Variants in SIL1 observed in about 807,000 individuals in gnomAD.
The protein encoded by SIL1 is nucleotide exchange factor SIL1.
Under a neutral mutation model 49.1 loss-of-function variants are expected in SIL1, and 40 were observed. The observed-to-expected ratio is 0.81, with a 90% CI of 0.63 to 1.06. The LOEUF (loss-of-function observed/expected upper bound fraction) is 1.06. Ranked by LOEUF, SIL1 falls within the 50% of genes least tolerant of loss-of-function variation. The pLI is 0.00. For synonymous variants in SIL1, 253 were observed against 250.8 expected (o/e 1.01, Z -0.08); for missense variants, 500 against 572.6 (o/e 0.87, Z 1.29).
intron 3 of SIL1, among the ~76,000 whole-genome samples, chr5:139,078,447 A>C (rs993082926): frequency 6.6e-6 from 1 of 152,140 alleles, no homozygotes; most frequent in Non-Finnish European, 1.5e-5. Context: ...GATTTTTAGA[A>C]TATAGGTCTT....
At position 138,955,065 on chromosome 5, in the gene SIL1, ATGG is replaced by A. The variant is rs537689754; in HGVS notation, c.768-3184_768-3182del. On this transcript the variant is annotated intron_variant, in intron 7 of 9. Transcript: ENST00000394817. ...TGGCAGCCCCATCCTCCTCCAGCCTATGGACTCTGGACCAGAGCTGCGGCCCAC... is the reference window on the plus strand; with the variant it reads ...TGGCAGCCCCATCCTCCTCCAGCCTAACTCTGGACCAGAGCTGCGGCCCAC... Among the ~76,000 whole-genome samples, 17 of 152,274 alleles carry A rather than the reference ATGG, an allele frequency of 1.1e-4. No homozygotes were observed. In the South Asian group the frequency reaches 3.5e-3, roughly 32 times the overall value.
intron 4 of SIL1, among the ~76,000 whole-genome samples, chr5:139,048,436 T>A (rs1769217922): frequency 6.9e-6 from 1 of 145,370 alleles, no homozygotes; most frequent in Non-Finnish European, 1.5e-5. Context: ...AATGCAGTGG[T>A]ACGATCTTGA....
intron 5 of SIL1, among the ~76,000 whole-genome samples, chr5:139,042,323 T>TA (rs1311639821): frequency 2.0e-5 from 3 of 152,150 alleles, no homozygotes; most frequent in Non-Finnish European, 4.4e-5. Context: ...AGGCCTGTGA[T>TA]AATGGAGAGA....
intron 1 of SIL1, among the ~76,000 whole-genome samples, chr5:139,196,116 G>A (rs1469958791): frequency 6.6e-6 from 1 of 152,152 alleles, no homozygotes; most frequent in African/African-American, 2.4e-5. Context: ...CTTAAGCCCA[G>A]GAGTTCAAGG....
chr5:138,981,793 C>T (rs183360429), intron 7 of SIL1, among the ~76,000 whole-genome samples: 14 of 152,288 alleles, frequency 9.2e-5, no homozygotes, highest in South Asian at 2.1e-4. Flanking sequence ...TGCTCTCCCA[C>T]GCTCACGCCT....
At chr5:139,184,884 G>T (rs1752051601) in intron 1 of SIL1, among the ~76,000 whole-genome samples, 1 of 152,216 alleles carries the variant, frequency 6.6e-6, no homozygotes, top group Non-Finnish European at 1.5e-5. Context: ...GGGTCCAGTT[G>T]TTTACAGAGA....
chr5:139,014,966 A>C (rs1768366983), intron 7 of SIL1, among the ~76,000 whole-genome samples: 1 of 152,174 alleles, frequency 6.6e-6, no homozygotes, highest in Non-Finnish European at 1.5e-5. Context: ...GCCTTCAGCC[A>C]GTGGGGCTAT....
At chr5:139,095,201 C>A (rs1770427989) in intron 3 of SIL1, among the ~76,000 whole-genome samples, 1 of 151,460 alleles carries the variant, frequency 6.6e-6, no homozygotes, top group African/African-American at 2.4e-5. Flanking sequence ...TCTAGCCCAA[C>A]TGGAAAGATG....
intron 4 of SIL1, among the ~76,000 whole-genome samples, chr5:139,048,369 G>GTTTTTTTTTTT (rs35482601): frequency 1.1e-5 from 1 of 87,760 alleles, no homozygotes; most frequent in Non-Finnish European, 2.2e-5. Flanking sequence ...TTTGTTGTTG[G>GTTTTTTTTTTT]TTTTTTTTTT....
chr5:138,963,182 A>T (rs1257326710), intron 7 of SIL1, among the ~76,000 whole-genome samples: 2 of 152,138 alleles, frequency 1.3e-5, no homozygotes, highest in Admixed American at 1.3e-4. Flanking sequence ...CTGCAGGGCA[A>T]GAGGGGATCC....
Position 138,947,158 on chromosome 5 carries a change from G to C in SIL1, c.1345C>G (p.Leu449Val), listed in dbSNP as rs1159678013. The stretch of plus-strand genomic sequence containing the variant: ...AGCAAGCTGTTGACAGAGCCCAGCA[G>C]CTCCTGGAAGTAGCCCTCGTCCTCA... The part of the protein sequence containing the change: ...DGEDEGYFQE[L>V]LGSVNSLLKE... Residue 449 changes from leucine to valine, a missense_variant, in exon 10 of 10, where the codon CTG becomes GTG. Transcript: ENST00000394817. This position sits in a 1 kb window ranked among gnomAD's most constrained non-coding sequence, Gnocchi z 4.1. 1 of 1,613,690 alleles carries C rather than the reference G, an allele frequency of 6.2e-7. No individual in the cohort carries two copies. The highest frequency in any genetic ancestry group is 1.1e-5 in the South Asian group (1 of 91,076).
chr5:139,103,707 A>G (rs958622591), intron 3 of SIL1, among the ~76,000 whole-genome samples: 1 of 152,186 alleles, frequency 6.6e-6, no homozygotes, highest in African/African-American at 2.4e-5. Flanking sequence ...ATTCATTACC[A>G]ATCATCTTTA....
intron 2 of SIL1, among the ~76,000 whole-genome samples, chr5:139,124,672 T>C (rs2151795141): frequency 6.6e-6 from 1 of 152,034 alleles, no homozygotes; most frequent in East Asian, 1.9e-4. Context: ...AAAAGCAGAG[T>C]TCCAGAAAAG....
At chr5:139,079,005 G>A (rs1469951103) in intron 3 of SIL1, among the ~76,000 whole-genome samples, 2 of 152,312 alleles carry the variant, frequency 1.3e-5, no homozygotes, top group African/African-American at 2.4e-5. Flanking sequence ...AATGTGACTA[G>A]TGATACTAAG....
At position 138,951,261 on chromosome 5, in the gene SIL1, C is replaced by A; in HGVS notation, c.939G>T (p.Leu313=). 1 of 1,588,924 alleles carries A rather than the reference C, an allele frequency of 6.3e-7. No homozygotes were observed. The highest frequency in any genetic ancestry group is 8.6e-7 in the Non-Finnish European group (1 of 1,167,068). The change falls in exon 9 of 10, where the codon CTG becomes CTT. Residue 313 remains leucine (L), a synonymous_variant. Coordinates refer to ENST00000394817, the MANE Select transcript of SIL1 (RefSeq NM_022464.5). ...AQRQFLKLGG[L]QVLRTLVQEK... is the part of the protein sequence containing the mutation. ...CCTGCACCAGGGTCCTCAGGACCTG[C>A]AGCCCCCCGAGCTTCAGGAACTGCC...
rs567894649 is a variant in SIL1 at position 139,083,046 on chromosome 5, G to T, written c.245-32000C>A. ...CCTGCAGGGGCTCAAGGATTCAAAT[G>T]ATACCAACTGCTCCTGATTTAGGAG... On this transcript the variant is annotated intron_variant, in intron 3 of 9. Transcript: ENST00000394817. Among the ~76,000 whole-genome samples, 144 of 152,308 alleles carry T rather than the reference G, an allele frequency of 9.5e-4. 2 individuals carry two copies. The highest frequency in any genetic ancestry group is 3.4e-3 in the Middle Eastern group (1 of 294).
At chr5:139,042,763 CT>C in intron 4 of SIL1, 44 bp from the exon 5 acceptor site, 1 of 1,557,994 alleles carries the variant, frequency 6.4e-7, no homozygotes, top group African/African-American at 1.4e-5. Flanking sequence ...CATGGCTAGG[CT>C]TGGTGGCTCA....
intron 7 of SIL1, among the ~76,000 whole-genome samples, chr5:139,010,944 G>T (rs1181168601): frequency 6.7e-6 from 1 of 148,548 alleles, no homozygotes; most frequent in Admixed American, 6.7e-5. Flanking sequence ...CCCAGAGGTG[G>T]AGCCTACAGA....
intron 3 of SIL1, among the ~76,000 whole-genome samples, chr5:139,071,184 T>G (rs1280953850): frequency 1.1e-5 from 1 of 89,750 alleles, no homozygotes; most frequent in Admixed American, 1.7e-4. Flanking sequence ...CAACAGACAA[T>G]TTATAAGAAG....
Sources: allele counts gnomAD v4.1 joint callset (sites outside exome capture counted in the v4.1 genomes callset), GRCh38; gene constraint gnomAD v4.1.1; non-coding constraint Gnocchi (gnomAD v3.1); transcripts MANE v1.5; gene names NCBI Gene and HGNC (gene_info 2026-07-23, HGNC 2026-07-21).